Variants in PPP3CA observed in about 807,000 individuals in gnomAD.
PPP3CA encodes the protein protein phosphatase 3 catalytic subunit alpha.
In PPP3CA, 14 loss-of-function variants were observed where a neutral mutation model predicts 66.5. The observed-to-expected ratio is 0.21, with a 90% CI of 0.14 to 0.33. The LOEUF is 0.33. Among genes scored for constraint, PPP3CA ranks in the 10% least tolerant of loss-of-function variants. The pLI, the probability that PPP3CA is intolerant of heterozygous loss-of-function variation, is 1.00. For missense variants in PPP3CA, 317 were observed against 639.5 expected (o/e 0.50, Z 5.44); for synonymous variants, 232 against 226.2 (o/e 1.03, Z -0.23).
intron 3 of PPP3CA, among the ~76,000 whole-genome samples, chr4:101,104,510 C>T (rs1379040290): frequency 6.6e-6 from 1 of 151,320 alleles, no homozygotes; most frequent in Non-Finnish European, 1.5e-5. Context: ...ATGGCAAAGG[C>T]CTGGGGTTAG....
chr4:101,207,634 C>T (rs1211152765), intron 1 of PPP3CA, among the ~76,000 whole-genome samples: 1 of 152,134 alleles, frequency 6.6e-6, no homozygotes, highest in Non-Finnish European at 1.5e-5. Flanking sequence ...CAAGACCAGC[C>T]TGGCCAACAT....
At chr4:101,268,279 ACTT>A (rs1467592360) in intron 1 of PPP3CA, among the ~76,000 whole-genome samples, 7 of 152,294 alleles carry the variant, frequency 4.6e-5, no homozygotes, top group African/African-American at 1.7e-4. Flanking sequence ...AAGAGGTATT[ACTT>A]CTTTTCTGCA....
intron 2 of PPP3CA, among the ~76,000 whole-genome samples, chr4:101,175,405 A>C (rs1355431878): frequency 6.6e-6 from 1 of 152,154 alleles, no homozygotes; most frequent in Non-Finnish European, 1.5e-5. Flanking sequence ...TTTATCAATG[A>C]GCAAATGGAG....
chr4:101,182,400 A>G (rs905865659), intron 2 of PPP3CA, among the ~76,000 whole-genome samples: 2 of 152,136 alleles, frequency 1.3e-5, no homozygotes, highest in African/African-American at 4.8e-5. Context: ...GGAGTCAAGA[A>G]AATCTTTCCA....
chr4:101,129,616 G>C (rs556404271), intron 2 of PPP3CA, among the ~76,000 whole-genome samples: 1 of 152,292 alleles, frequency 6.6e-6, no homozygotes, highest in Admixed American at 6.5e-5. Context: ...GTCTGGAGTG[G>C]ACCTCCAGCA....
intron 1 of PPP3CA, among the ~76,000 whole-genome samples, chr4:101,255,994 A>C (rs1402965149): frequency 6.6e-6 from 1 of 151,858 alleles, no homozygotes; most frequent in African/African-American, 2.4e-5. Flanking sequence ...CTTTTGCCTA[A>C]ACTATGGTCA....
intron 1 of PPP3CA, among the ~76,000 whole-genome samples, chr4:101,229,450 C>T (rs1396355121): frequency 6.6e-6 from 1 of 151,660 alleles, no homozygotes; most frequent in Non-Finnish European, 1.5e-5. Context: ...ATATAAGAAT[C>T]AGATAAACAT....
chr4:101,066,292 G>C (rs1728677145), intron 8 of PPP3CA, among the ~76,000 whole-genome samples: 1 of 152,014 alleles, frequency 6.6e-6, no homozygotes, highest in Non-Finnish European at 1.5e-5. Context: ...AAAGCCAGGA[G>C]GCCAGACTAC....
intron 1 of PPP3CA, among the ~76,000 whole-genome samples, chr4:101,275,477 T>C (rs1445836357): frequency 6.6e-6 from 1 of 152,182 alleles, no homozygotes; most frequent in Non-Finnish European, 1.5e-5. Flanking sequence ...TTGAGAGCAC[T>C]GCATAAAAGA....
chr4:101,227,840 C>A (rs1310747991), intron 1 of PPP3CA, among the ~76,000 whole-genome samples: 1 of 151,614 alleles, frequency 6.6e-6, no homozygotes, highest in East Asian at 1.9e-4. Context: ...TGCATTAATT[C>A]ATTTAGGATA....
At chr4:101,262,095 G>A (rs568021910) in intron 1 of PPP3CA, among the ~76,000 whole-genome samples, 34 of 151,972 alleles carry the variant, frequency 2.2e-4, no homozygotes, top group African/African-American at 8.0e-4. Context: ...TACAAAGACC[G>A]ATTTTTACCT....
At chr4:101,320,960 G>A (rs1455536262) in intron 1 of PPP3CA, among the ~76,000 whole-genome samples, 2 of 152,170 alleles carry the variant, frequency 1.3e-5, no homozygotes, top group Non-Finnish European at 2.9e-5. Context: ...ACAGGGCAGT[G>A]AAGCCACCTA....
At chr4:101,072,058 A>G (rs1728941786) in intron 8 of PPP3CA, among the ~76,000 whole-genome samples, 1 of 152,258 alleles carries the variant, frequency 6.6e-6, no homozygotes, top group Non-Finnish European at 1.5e-5. Context: ...AGTGGCCTCC[A>G]GCAATGACAC....
intron 8 of PPP3CA, among the ~76,000 whole-genome samples, chr4:101,069,787 T>C (rs771913357): frequency 1.3e-5 from 2 of 152,206 alleles, no homozygotes; most frequent in African/African-American, 2.4e-5. Context: ...ACTTAATGAA[T>C]AGTAAATATA....
intron 12 of PPP3CA, among the ~76,000 whole-genome samples, chr4:101,029,901 T>C (rs780748830): frequency 5.3e-5 from 8 of 151,786 alleles, no homozygotes; most frequent in Non-Finnish European, 7.4e-5. Context: ...AGCCCAATTA[T>C]GTTTTCTTTT....
At chr4:101,103,312 T>C (rs1730528177) in intron 3 of PPP3CA, among the ~76,000 whole-genome samples, 1 of 152,196 alleles carries the variant, frequency 6.6e-6, no homozygotes, top group Non-Finnish European at 1.5e-5. Context: ...CAATCAAAAG[T>C]GCTGCCTCTC....
At chr4:101,302,607 C>A (rs7662718) in intron 1 of PPP3CA, among the ~76,000 whole-genome samples, 1 of 152,126 alleles carries the variant, frequency 6.6e-6, no homozygotes, top group Non-Finnish European at 1.5e-5. Flanking sequence ...CTCAGCTTAC[C>A]GCAACCTCCG....
chr4:101,298,339 G>GATATATATATATAT (rs3078022), intron 1 of PPP3CA, among the ~76,000 whole-genome samples: 17 of 143,822 alleles, frequency 1.2e-4, no homozygotes, highest in African/African-American at 4.3e-4. Context: ...CAAGCAGGGA[G>GATATATATATATAT]ATATATATAT....
chr4:101,236,587 C>T (rs1464262290), intron 1 of PPP3CA, among the ~76,000 whole-genome samples: 4 of 151,940 alleles, frequency 2.6e-5, no homozygotes, highest in Non-Finnish European at 5.9e-5. Flanking sequence ...GAGTAATGGC[C>T]AGTCCTTTGC....
Sources: gnomAD v4.1 joint callset for allele counts (sites outside exome capture counted in the v4.1 genomes callset) on GRCh38, gnomAD v4.1.1 for gene constraint, MANE v1.5 for transcripts, NCBI Gene and HGNC (gene_info 2026-07-23, HGNC 2026-07-21) for gene names.